Variants in SOS2 observed in about 807,000 individuals in gnomAD.
SOS2 encodes the protein SOS Ras/Rho guanine nucleotide exchange factor 2.
SOS2 carries 65 observed loss-of-function variants against 148.2 expected under a neutral mutation model. That is an observed-to-expected ratio of 0.44 (90% CI 0.36 to 0.54). SOS2 has a LOEUF of 0.54. Ranked by LOEUF, SOS2 falls within the 20% of genes least tolerant of loss-of-function variation. SOS2 has a pLI of 0.00. For missense variants in SOS2, 1,341 were observed against 1,590.2 expected, an observed-to-expected ratio of 0.84 and a Z score of 2.67; for synonymous variants, 539 against 537.1, an observed-to-expected ratio of 1.00 and a Z score of -0.05.
chr14:50,193,814 G>A (rs1158507576), intron 4 of SOS2, among the ~76,000 whole-genome samples: 1 of 151,164 alleles, frequency 6.6e-6, no homozygotes, highest in African/African-American at 2.4e-5. Context: ...AGTGGTACTC[G>A]GCTCACTGCA....
In SOS2 at chr14:50,199,841, G is replaced by A. The variant is rs762044455; in HGVS notation, c.360C>T (p.Tyr120=). Residue 120 remains tyrosine (Y), a synonymous_variant, in exon 4 of 23, where the codon TAC becomes TAT. Coordinates refer to ENST00000216373, the MANE Select transcript of SOS2 (RefSeq NM_006939.4). ...ATAGGGATACATGGTAGTCCACTTT[G>A]TACCCTAATACTTCCTGTGAAAAGA... is the stretch of plus-strand genomic sequence containing the variant. The part of the protein sequence containing the change: ...IHPSLKEVLG[Y]KVDYHVSLYI... 3.2e-6 allele frequency: 5 copies of A among 1,574,884 alleles called. No homozygotes were observed. In the Admixed American group the frequency reaches 7.1e-5, roughly 22 times the overall value.
rs12894390 is a variant in SOS2, at chr14:50,188,203, G to A, written c.714+294C>T. Among the ~76,000 whole-genome samples, 47,790 of 152,074 alleles carry A rather than the reference G, an allele frequency of 0.31. 8,752 individuals are homozygous for A. Among genetic ancestry groups the A allele is most frequent in the Non-Finnish European group, 0.42 (28,828 of 67,998 alleles). On this transcript the variant is annotated intron_variant, in intron 5 of 22. Coordinates refer to ENST00000216373, the MANE Select transcript of SOS2 (RefSeq NM_006939.4). ...GGATCACTTGAGGTCGGCAGTTTGA[G>A]ACCAGCCTGGCCAATATGAAGAAAC...
At chr14:50,179,883 A>G (rs1330005994) in intron 7 of SOS2, among the ~76,000 whole-genome samples, 1 of 152,146 alleles carries the variant, frequency 6.6e-6, no homozygotes, top group Non-Finnish European at 1.5e-5. Flanking sequence ...CTCATAGAAA[A>G]ATCAGTATGA....
rs372874114 is a variant in SOS2 at position 50,120,357 on chromosome 14, A to G, written c.3407T>C (p.Leu1136Ser). 4 of 1,595,224 alleles carry G rather than the reference A, an allele frequency of 2.5e-6. No homozygotes were observed. The East Asian group carries it at 6.7e-5, about 27-fold the overall frequency. ...SKSFFSSCGS[L>S]HKLSEEPLIP... ...CAGGGGCTCTTCACTTAGTTTATGT[A>G]AACTACCACATGAACTAAAGAAAGA... The change falls in exon 22 of 23, where the codon TTA becomes TCA. Residue 1136 changes from leucine (L) to serine (S), a missense_variant. This residue lies in a region of SOS2 where 354 missense variants were observed against 347.7 expected (regional missense o/e 1.02). Coordinates refer to ENST00000216373, the MANE Select transcript of SOS2 (RefSeq NM_006939.4).
At chr14:50,208,253 C>T (rs1000337473) in intron 1 of SOS2, among the ~76,000 whole-genome samples, 1 of 151,482 alleles carries the variant, frequency 6.6e-6, no homozygotes, top group Non-Finnish European at 1.5e-5. Context: ...GCCGAGATAA[C>T]GTGCTGTTGC....
intron 12 of SOS2, among the ~76,000 whole-genome samples, chr14:50,155,541 C>T (rs56207461): frequency 0.021 from 3,166 of 152,264 alleles, 74 homozygotes; most frequent in Non-Finnish European, 0.026. Context: ...TCCCTAATTA[C>T]TCTGGCCTAA....
At chr14:50,217,883 A>G (rs542380880) in intron 1 of SOS2, among the ~76,000 whole-genome samples, 8 of 152,138 alleles carry the variant, frequency 5.3e-5, no homozygotes, top group Middle Eastern at 3.4e-3. Context: ...GTGAACCCGG[A>G]GGCAGAGCTT....
intron 2 of SOS2, among the ~76,000 whole-genome samples, chr14:50,202,491 T>C (rs898661901): frequency 2.6e-5 from 4 of 151,748 alleles, no homozygotes; most frequent in Admixed American, 1.3e-4. Flanking sequence ...CTCAGCACTT[T>C]GGGAGACTGA....
intron 4 of SOS2, among the ~76,000 whole-genome samples, chr14:50,196,475 G>A (rs1378594103): frequency 6.6e-6 from 1 of 151,616 alleles, no homozygotes; most frequent in Non-Finnish European, 1.5e-5. Flanking sequence ...AATTATCGTT[G>A]ACTGTAGTCA....
chr14:50,145,582 G>C lies in SOS2; in HGVS notation c.2399C>G (p.Ser800Cys). 1 of 1,598,460 alleles carries C rather than the reference G, an allele frequency of 6.3e-7. No individual in the cohort carries two copies. The change falls in exon 15 of 23, where the codon TCT (serine) becomes TGT (cysteine). Residue 800 changes from serine (S) to cysteine (C), a missense_variant. By Grantham distance (112) the Ser-to-Cys change is moderately radical. Transcript: ENST00000216373. ...ESDLYRKVQP[S>C]ELVGSVWTKE... ...GGTCCACACACTCCCTACAAGTTCA[G>C]ACGGTTGAACTTTCCTATGGAATTG... is the stretch of plus-strand genomic sequence containing the variant.
At chr14:50,194,244 T>G (rs1187728032) in intron 4 of SOS2, among the ~76,000 whole-genome samples, 1 of 151,858 alleles carries the variant, frequency 6.6e-6, no homozygotes, top group Non-Finnish European at 1.5e-5. Context: ...CAGAGAAGAG[T>G]AGATGCAAGA....
chr14:50,165,414 C>G (rs567676105), intron 8 of SOS2, among the ~76,000 whole-genome samples: 1 of 152,098 alleles, frequency 6.6e-6, no homozygotes, highest in African/African-American at 2.4e-5. Context: ...CACACACCCG[C>G]GCACACACTG....
intron 8 of SOS2, among the ~76,000 whole-genome samples, chr14:50,166,671 T>G (rs1885178620): frequency 6.6e-6 from 1 of 152,188 alleles, no homozygotes; most frequent in Non-Finnish European, 1.5e-5. Context: ...TGTATGAGAA[T>G]TCACTGAAAT....
At chr14:50,149,578 G>A (rs1019004778) in intron 14 of SOS2, among the ~76,000 whole-genome samples, 4 of 152,128 alleles carry the variant, frequency 2.6e-5, no homozygotes, top group South Asian at 4.1e-4. Context: ...GACATTTTTC[G>A]ACAGAGAGCT....
chr14:50,217,654 T>C (rs1887072816), intron 1 of SOS2, among the ~76,000 whole-genome samples: 1 of 152,052 alleles, frequency 6.6e-6, no homozygotes, highest in African/African-American at 2.4e-5. Flanking sequence ...AAAAACAAAT[T>C]GATAAAAATT....
At chr14:50,147,748 T>G (rs750019169) in intron 14 of SOS2, among the ~76,000 whole-genome samples, 1 of 152,184 alleles carries the variant, frequency 6.6e-6, no homozygotes, top group African/African-American at 2.4e-5. Flanking sequence ...TTTCCTATAT[T>G]TTTTGAATGC....
chr14:50,208,555 G>A (rs571239444), intron 1 of SOS2, among the ~76,000 whole-genome samples: 167 of 152,268 alleles, frequency 1.1e-3, no homozygotes, highest in Non-Finnish European at 1.8e-3. Flanking sequence ...GGCTGAGGCA[G>A]AAGAATCGCT....
chr14:50,225,061 T>C lies in SOS2; in HGVS notation c.87+6136A>G, dbSNP rs1465878009. ...TCACTTCTACATGTTAAAATGTGAATGTGTAATACTTTATCCATTTGAAAA... is the reference window on the plus strand; with the variant it reads ...TCACTTCTACATGTTAAAATGTGAACGTGTAATACTTTATCCATTTGAAAA... On this transcript the variant is annotated intron_variant, in intron 1 of 22. Coordinates refer to ENST00000216373, the MANE Select transcript of SOS2 (RefSeq NM_006939.4). Among the ~76,000 whole-genome samples the C allele has an allele frequency of 2.0e-5, 3 of 152,186 alleles. 1 individual carries two copies.
intron 19 of SOS2, among the ~76,000 whole-genome samples, chr14:50,133,797 C>T (rs980292186): frequency 2.0e-5 from 3 of 152,118 alleles, no homozygotes; most frequent in Admixed American, 2.0e-4. Context: ...AACCAAAATA[C>T]ATTTGCTTAC....
Sources: gnomAD v4.1 joint callset for allele counts (sites outside exome capture counted in the v4.1 genomes callset) on GRCh38, gnomAD v4.1.1 for gene constraint, gnomAD v4.1.1 regional missense constraint, MANE v1.5 for transcripts, NCBI Gene and HGNC (gene_info 2026-07-23, HGNC 2026-07-21) for gene names.